Variants in NSUN6 observed in about 807,000 individuals in gnomAD.
NSUN6 encodes NOP2/Sun RNA methyltransferase 6, also known as tRNA (cytosine(72)-C(5))-methyltransferase NSUN6.
A neutral mutation model predicts 58.0 loss-of-function variants in NSUN6; 64 were observed. That is an observed-to-expected ratio of 1.10 (90% CI 0.90 to 1.36). The LOEUF is 1.36. Ranked by LOEUF, NSUN6 falls within the 40% of genes most tolerant of loss-of-function variation. NSUN6 has a pLI of 0.00. For synonymous variants in NSUN6, 231 were observed against 193.9 expected (o/e 1.19, Z -1.59); for missense variants, 701 against 550.1 (o/e 1.27, Z -2.74).
chr10:18,560,753 G>A (rs2055436644), intron 8 of NSUN6, among the ~76,000 whole-genome samples: 1 of 151,048 alleles, frequency 6.6e-6, no homozygotes, highest in African/African-American at 2.4e-5. Context: ...GAATGGAATG[G>A]AATAGAGAAT....
chr10:18,618,412 T>A (rs2058487118), intron 3 of NSUN6, among the ~76,000 whole-genome samples: 3 of 152,206 alleles, frequency 2.0e-5, no homozygotes, highest in Admixed American at 2.0e-4. Flanking sequence ...TCAGGTGCAG[T>A]GGCTCACACC....
At chr10:18,652,907 A>T (rs1425868926), upstream of NSUN6, 2 of 984,874 alleles carry the variant, frequency 2.0e-6, no homozygotes, top group African/African-American at 3.5e-5. Flanking sequence ...GGTTGAAACA[A>T]CTCTCCATGT....
intron 8 of NSUN6, among the ~76,000 whole-genome samples, chr10:18,555,214 A>C (rs1464614893): frequency 6.6e-6 from 1 of 151,236 alleles, no homozygotes; most frequent in Admixed American, 6.6e-5. Flanking sequence ...TATGGAATGG[A>C]ATGGAGGATG....
At chr10:18,551,797 T>C (rs768344964) in intron 9 of NSUN6, 26 bp downstream of exon 9, 42 of 1,598,198 alleles carry the variant, frequency 2.6e-5, no homozygotes, top group Non-Finnish European at 3.5e-5. Context: ...GTTAACTTTG[T>C]TTCACAAAAA....
intron 3 of NSUN6, among the ~76,000 whole-genome samples, chr10:18,638,625 G>A (rs536888875): frequency 6.6e-6 from 1 of 152,244 alleles, no homozygotes. Context: ...AATAACATTT[G>A]ATGCCACAGG....
chr10:18,636,820 C>A (rs968412855), intron 3 of NSUN6, among the ~76,000 whole-genome samples: 2 of 151,346 alleles, frequency 1.3e-5, no homozygotes, highest in Admixed American at 1.3e-4. Context: ...ACCTGGGAGG[C>A]GGAGCTTACA....
chr10:18,586,203 A>T, intron 7 of NSUN6, 110 bp from the exon 8 acceptor site: 1 of 802,384 alleles, frequency 1.2e-6, no homozygotes, highest in Non-Finnish European at 1.9e-6. Flanking sequence ...CTTTTCCACC[A>T]TACTCCCATC....
rs566939502 is a variant in NSUN6 at position 18,631,959 on chromosome 10, C to T, written c.311+10517G>A. 1.4e-4 allele frequency among the ~76,000 whole-genome samples: 21 copies of T among 152,190 alleles called. No individual in the cohort carries two copies. The East Asian group carries it at 3.3e-3, about 24-fold the overall frequency. On this transcript the variant is annotated intron_variant, in intron 3 of 10. Coordinates refer to ENST00000377304, the MANE Select transcript of NSUN6 (RefSeq NM_182543.5). ...CCCACATCACCAAGTCAATCCTAAG[C>T]GAAAAGAACAAAGCTGGAGGCATCA... is the stretch of plus-strand genomic sequence containing the variant.
intron 7 of NSUN6, 140 bp downstream of exon 7, chr10:18,596,068 A>C: frequency 1.5e-6 from 1 of 653,986 alleles, no homozygotes; most frequent in Non-Finnish European, 2.7e-6. Flanking sequence ...CTTAATATGT[A>C]GTGACTGACA....
Position 18,631,621 on chromosome 10 carries a change from G to C in NSUN6, c.311+10855C>G, listed in dbSNP as rs1452734381. Among the ~76,000 whole-genome samples the C allele has an allele frequency of 5.2e-4, 74 of 142,198 alleles. No individual in the cohort carries two copies. The South Asian group carries it at 0.012, about 23-fold the overall frequency. The allele number at this position is 142,198 out of a possible 152,430, so 93.3% of individuals were successfully genotyped here. A position where few individuals can be genotyped will look rare whatever the true frequency, so the allele number is the denominator to read the frequency against. ...CTTATACACCAACAACAGACAAACAGAGAGCCAAATCATGAGTGAACTCCC... is the reference window on the plus strand; with the variant it reads ...CTTATACACCAACAACAGACAAACACAGAGCCAAATCATGAGTGAACTCCC... On this transcript the variant is annotated intron_variant, in intron 3 of 10. Transcript: ENST00000377304.
chr10:18,562,592 T>C (rs907635005), intron 8 of NSUN6, among the ~76,000 whole-genome samples: 1 of 139,302 alleles, frequency 7.2e-6, no homozygotes, highest in African/African-American at 2.8e-5. Flanking sequence ...ATGGGGATTG[T>C]AATGGAATGG....
At chr10:18,573,240 CTCCATTCCATTT>C (rs1364272984) in intron 8 of NSUN6, among the ~76,000 whole-genome samples, 12 of 151,220 alleles carry the variant, frequency 7.9e-5, no homozygotes, top group Admixed American at 5.9e-4. Flanking sequence ...TCATTTCATT[CTCCATTCCATTT>C]TCCATTGTCC....
intron 8 of NSUN6, among the ~76,000 whole-genome samples, chr10:18,566,909 TATTCTCCATTCCACTCC>T (rs1178142349): frequency 6.7e-6 from 1 of 150,302 alleles, no homozygotes; most frequent in African/African-American, 2.4e-5. Flanking sequence ...TTGTCCATTC[TATTCTCCATTCCACTCC>T]ATTCTCCATT....
At chr10:18,572,892 CTCCATTCCATTT>C (rs1184994729) in intron 8 of NSUN6, among the ~76,000 whole-genome samples, 4 of 149,684 alleles carry the variant, frequency 2.7e-5, no homozygotes, top group South Asian at 4.2e-4. Flanking sequence ...TCATTCCATT[CTCCATTCCATTT>C]TCCATTCCAT....
At chr10:18,646,148 T>C (rs1420607641) in intron 2 of NSUN6, among the ~76,000 whole-genome samples, 2 of 152,058 alleles carry the variant, frequency 1.3e-5, no homozygotes, top group African/African-American at 4.8e-5. Context: ...TGAGCCAAGA[T>C]CGCACCACTG....
At chr10:18,624,813 G>C (rs2058734133) in intron 3 of NSUN6, among the ~76,000 whole-genome samples, 1 of 152,114 alleles carries the variant, frequency 6.6e-6, no homozygotes, top group African/African-American at 2.4e-5. Flanking sequence ...CTAGAAACTG[G>C]AATGAGTTCC....
At chr10:18,584,357 G>C (rs1241657731) in intron 8 of NSUN6, among the ~76,000 whole-genome samples, 1 of 152,142 alleles carries the variant, frequency 6.6e-6, no homozygotes, top group African/African-American at 2.4e-5. Flanking sequence ...ATAAACGCAG[G>C]ATGCTGTATG....
At chr10:18,588,875 C>T (rs1262068473) in intron 7 of NSUN6, among the ~76,000 whole-genome samples, 5 of 152,160 alleles carry the variant, frequency 3.3e-5, no homozygotes, top group African/African-American at 1.2e-4. Context: ...TAAATAATCG[C>T]AACTCCTCTC....
At chr10:18,635,466 GA>G (rs1404913977) in intron 3 of NSUN6, among the ~76,000 whole-genome samples, 1 of 152,130 alleles carries the variant, frequency 6.6e-6, no homozygotes, top group Non-Finnish European at 1.5e-5. Context: ...AGAGAATACA[GA>G]AAAGGTAAGA....
Sources: gnomAD v4.1 joint callset for allele counts (sites outside exome capture counted in the v4.1 genomes callset) on GRCh38, gnomAD v4.1.1 for gene constraint, MANE v1.5 for transcripts, NCBI Gene and HGNC (gene_info 2026-07-23, HGNC 2026-07-21) for gene names.